HECW1: variants seen among roughly 807,000 people sequenced by gnomAD.
The protein encoded by HECW1 is E3 ubiquitin-protein ligase HECW1.
Under a neutral mutation model 182.3 loss-of-function variants are expected in HECW1, and 61 were observed. The observed-to-expected ratio is 0.33, with a 90% CI of 0.27 to 0.41. HECW1 has a LOEUF of 0.41. Among genes scored for constraint, HECW1 ranks in the 10% least tolerant of loss-of-function variants. The pLI is 1.00. For missense variants in HECW1, 1,739 were observed against 2,108.9 expected (o/e 0.82, Z 3.44); for synonymous variants, 859 against 832.6 (o/e 1.03, Z -0.55).
chr7:43,481,764 C>T (rs988752805), intron 17 of HECW1, among the ~76,000 whole-genome samples: 1 of 152,046 alleles, frequency 6.6e-6, no homozygotes, highest in Non-Finnish European at 1.5e-5. Context: ...GCAGGCAGAT[C>T]ACGAGGTCAG....
At chr7:43,351,978 C>CTTTT (rs1562874034) in intron 5 of HECW1, among the ~76,000 whole-genome samples, 8 of 152,126 alleles carry the variant, frequency 5.3e-5, no homozygotes, top group African/African-American at 1.9e-4. Flanking sequence ...CAGAGCTTTC[C>CTTTT]TTTTTGACAG....
intron 2 of HECW1, among the ~76,000 whole-genome samples, chr7:43,212,870 T>C (rs1310625877): frequency 1.3e-5 from 2 of 152,214 alleles, no homozygotes; most frequent in African/African-American, 4.8e-5. Context: ...ATTTGGCTAG[T>C]TGGTTTGACA....
At position 43,293,242 on chromosome 7, in the gene HECW1, G is replaced by T. The variant is rs190513947; in HGVS notation, c.28-18521G>T. ...CTCAAAAAAAAAAAAAAAAAGAAAA[G>T]AAAAGAAAAAAAAGAAAATGAAAGT... On this transcript the variant is annotated intron_variant, in intron 3 of 29. Coordinates refer to ENST00000395891, the MANE Select transcript of HECW1 (RefSeq NM_015052.5). Among the ~76,000 whole-genome samples the T allele has an allele frequency of 3.9e-4, 56 of 143,384 alleles. No homozygotes were observed. In the East Asian group the frequency reaches 9.0e-3, roughly 23 times the overall value. The allele number at this position is 143,384 out of a possible 152,430, so 94.1% of individuals were successfully genotyped here.
At chr7:43,254,255 T>C (rs1348021126) in intron 3 of HECW1, among the ~76,000 whole-genome samples, 2 of 151,960 alleles carry the variant, frequency 1.3e-5, no homozygotes, top group Non-Finnish European at 2.9e-5. Flanking sequence ...GAAGATCTTT[T>C]TTTTCCAGTG....
At chr7:43,338,779 A>C (rs1812601622) in intron 5 of HECW1, among the ~76,000 whole-genome samples, 1 of 151,818 alleles carries the variant, frequency 6.6e-6, no homozygotes, top group Non-Finnish European at 1.5e-5. Context: ...GTTTCTCTTC[A>C]TCCTTCTCAC....
At chr7:43,232,190 A>G (rs1797945414) in intron 2 of HECW1, among the ~76,000 whole-genome samples, 1 of 152,140 alleles carries the variant, frequency 6.6e-6, no homozygotes, top group Non-Finnish European at 1.5e-5. Flanking sequence ...GATAGTTTGA[A>G]TGGGCCACAG....
intron 3 of HECW1, among the ~76,000 whole-genome samples, chr7:43,260,331 T>G (rs1362601531): frequency 6.6e-6 from 1 of 151,968 alleles, no homozygotes; most frequent in African/African-American, 2.4e-5. Flanking sequence ...GGGAAGATGT[T>G]CCTGGTATAT....
intron 2 of HECW1, among the ~76,000 whole-genome samples, chr7:43,211,365 T>C (rs978434544): frequency 6.6e-6 from 1 of 152,212 alleles, no homozygotes; most frequent in African/African-American, 2.4e-5. Context: ...ATCACCTTTC[T>C]CCTCCGTGAA....
chr7:43,197,334 C>T (rs545684092), intron 2 of HECW1, among the ~76,000 whole-genome samples: 1 of 152,270 alleles, frequency 6.6e-6, no homozygotes, highest in South Asian at 2.1e-4. Flanking sequence ...CACACTCACA[C>T]AGAGAAACAG....
intron 13 of HECW1, among the ~76,000 whole-genome samples, chr7:43,462,934 G>A (rs897517054): frequency 6.6e-6 from 1 of 152,216 alleles, no homozygotes; most frequent in African/African-American, 2.4e-5. Context: ...TCACCTGGCT[G>A]GAGTTATGGC....
chr7:43,507,062 T>A (rs775479122), intron 21 of HECW1, 75 bp from the exon 22 acceptor site: 169 of 1,539,796 alleles, frequency 1.1e-4, no homozygotes, highest in Non-Finnish European at 1.5e-4. Flanking sequence ...AGAGCGAGAC[T>A]CCTTCTCAAA....
intron 3 of HECW1, among the ~76,000 whole-genome samples, chr7:43,277,055 T>A (rs1584292600): frequency 6.6e-6 from 1 of 152,214 alleles, no homozygotes; most frequent in African/African-American, 2.4e-5. Flanking sequence ...GGCTCTTTGG[T>A]CTCCTCCTTT....
intron 20 of HECW1, 30 bp from the exon 21 acceptor site, chr7:43,501,183 C>CTTTTTTTTTTTTTT (rs567367189): frequency 1.0e-4 from 77 of 746,558 alleles, no homozygotes; most frequent in East Asian, 2.0e-4. Flanking sequence ...TCTTTTCTTT[C>CTTTTTTTTTTTTTT]TTTTTTTTTT....
chr7:43,461,938 C>T (rs185366684), intron 13 of HECW1, among the ~76,000 whole-genome samples: 247 of 152,316 alleles, frequency 1.6e-3, no homozygotes, highest in Non-Finnish European at 3.0e-3. Flanking sequence ...CTAAAGAACT[C>T]GTTAGAAATG....
intron 2 of HECW1, among the ~76,000 whole-genome samples, chr7:43,199,628 C>T (rs1018830615): frequency 6.6e-6 from 1 of 151,836 alleles, no homozygotes; most frequent in East Asian, 1.9e-4. Flanking sequence ...TTGTAAGCAT[C>T]GAGTTTTTAT....
chr7:43,541,029 C>T (rs2304321), intron 24 of HECW1, 134 bp from the exon 25 acceptor site: 78,323 of 710,420 alleles, frequency 0.11, 5,384 homozygotes, highest in East Asian at 0.31. Context: ...AGGTGCCTCC[C>T]TTGTGTCATC....
intron 2 of HECW1, among the ~76,000 whole-genome samples, chr7:43,143,177 G>T (rs750326325): frequency 3.3e-5 from 5 of 152,134 alleles, no homozygotes; most frequent in African/African-American, 4.8e-5. Flanking sequence ...TACCATGTTG[G>T]CCAGACTGGT....
intron 7 of HECW1, among the ~76,000 whole-genome samples, chr7:43,404,695 T>G (rs2075543776): frequency 6.6e-6 from 1 of 152,112 alleles, no homozygotes; most frequent in African/African-American, 2.4e-5. Context: ...AGCACAGACT[T>G]TGGGCCGGGC....
chr7:43,454,050 C>G (rs979621856), intron 12 of HECW1, among the ~76,000 whole-genome samples: 3 of 152,190 alleles, frequency 2.0e-5, no homozygotes, highest in Non-Finnish European at 4.4e-5. Context: ...AGCTGTTTGG[C>G]TTACTACACT....
Sources: allele counts gnomAD v4.1 joint callset (sites outside exome capture counted in the v4.1 genomes callset), GRCh38; gene constraint gnomAD v4.1.1; transcripts MANE v1.5; gene names NCBI Gene and HGNC (gene_info 2026-07-23, HGNC 2026-07-21).